GRID2: variants seen among roughly 807,000 people sequenced by gnomAD.
The protein encoded by GRID2 is glutamate ionotropic receptor delta type subunit 2.
Under a neutral mutation model 114.8 loss-of-function variants are expected in GRID2, and 33 were observed. The observed-to-expected ratio is 0.29, with a 90% CI of 0.22 to 0.38. The LOEUF is 0.38. Among genes scored for constraint, GRID2 ranks in the 10% least tolerant of loss-of-function variants. GRID2 has a pLI of 1.00. For synonymous variants in GRID2, 505 were observed against 449.9 expected, an observed-to-expected ratio of 1.12 and a Z score of -1.55; for missense variants, 1,184 against 1,257.7, an observed-to-expected ratio of 0.94 and a Z score of 0.89.
intron 1 of GRID2, among the ~76,000 whole-genome samples, chr4:92,396,436 G>T (rs1400043478): frequency 6.6e-6 from 1 of 151,852 alleles, no homozygotes; most frequent in Non-Finnish European, 1.5e-5. Flanking sequence ...TATATACATG[G>T]CCTAATGATC....
intron 4 of GRID2, chr4:93,165,912 C>G (rs1433039930): frequency 6.6e-6 from 1 of 152,020 alleles, no homozygotes; most frequent in East Asian, 1.9e-4. Context: ...AATACTCAAC[C>G]AATATTGCAT....
At chr4:92,959,644 G>T (rs1335161363) in intron 2 of GRID2, among the ~76,000 whole-genome samples, 1 of 151,992 alleles carries the variant, frequency 6.6e-6, no homozygotes, top group Non-Finnish European at 1.5e-5. Flanking sequence ...ATAAAATCTG[G>T]CATATATACA....
chr4:93,633,851 C>T (rs552215230), intron 14 of GRID2, among the ~76,000 whole-genome samples: 1 of 152,086 alleles, frequency 6.6e-6, no homozygotes, highest in African/African-American at 2.4e-5. Flanking sequence ...CTTTAATACC[C>T]CAATTGGAAT....
chr4:92,865,009 A>G (rs1744764058), intron 2 of GRID2, among the ~76,000 whole-genome samples: 2 of 152,190 alleles, frequency 1.3e-5, no homozygotes, highest in African/African-American at 2.4e-5. Context: ...ATTTTCAAAC[A>G]TTCTACTAAA....
intron 13 of GRID2, among the ~76,000 whole-genome samples, chr4:93,572,381 T>A (rs1334665140): frequency 1.3e-5 from 2 of 152,138 alleles, no homozygotes. Flanking sequence ...TGCTTTGAGT[T>A]CCATTATGAG....
At chr4:93,506,919 A>G (rs1728689460) in intron 12 of GRID2, among the ~76,000 whole-genome samples, 1 of 152,148 alleles carries the variant, frequency 6.6e-6, no homozygotes, top group Non-Finnish European at 1.5e-5. Flanking sequence ...GTGCTGGTAC[A>G]TTCCTTCATT....
intron 2 of GRID2, among the ~76,000 whole-genome samples, chr4:92,960,763 A>G (rs1752743868): frequency 6.6e-6 from 1 of 151,882 alleles, no homozygotes; most frequent in Non-Finnish European, 1.5e-5. Flanking sequence ...GTTAATATTT[A>G]TCTTATTTAT....
intron 2 of GRID2, among the ~76,000 whole-genome samples, chr4:92,900,569 G>A (rs1011556915): frequency 6.6e-6 from 1 of 152,164 alleles, no homozygotes; most frequent in Non-Finnish European, 1.5e-5. Flanking sequence ...GGCGGCTCAC[G>A]CCTGTAATCC....
chr4:93,743,910 G>C (rs1464918572), intron 14 of GRID2, among the ~76,000 whole-genome samples: 1 of 152,094 alleles, frequency 6.6e-6, no homozygotes, highest in African/African-American at 2.4e-5. Flanking sequence ...GAGCTTCAAA[G>C]GACAGCCTAT....
intron 1 of GRID2, among the ~76,000 whole-genome samples, chr4:92,553,930 G>A (rs781249556): frequency 5.9e-5 from 9 of 152,216 alleles, no homozygotes; most frequent in Non-Finnish European, 7.4e-5. Flanking sequence ...GATTACAGGC[G>A]TGAGCCACCG....
intron 2 of GRID2, among the ~76,000 whole-genome samples, chr4:92,734,216 A>C (rs529253351): frequency 8.5e-5 from 13 of 152,228 alleles, no homozygotes; most frequent in African/African-American, 2.9e-4. Context: ...TAAATTACTT[A>C]ACTTTCTTAA....
intron 14 of GRID2, among the ~76,000 whole-genome samples, chr4:93,635,855 G>C (rs1421014813): frequency 6.6e-6 from 1 of 152,078 alleles, no homozygotes; most frequent in Non-Finnish European, 1.5e-5. Context: ...AAATATTTAT[G>C]GGCTCCATAT....
chr4:92,883,790 A>G (rs62311168), intron 2 of GRID2, among the ~76,000 whole-genome samples: 5,444 of 152,234 alleles, frequency 0.036, 112 homozygotes, highest in Non-Finnish European at 0.041. Flanking sequence ...TATTCAGTAA[A>G]CCATGCTATA....
At chr4:93,307,787 A>G (rs183015466) in intron 8 of GRID2, among the ~76,000 whole-genome samples, 22 of 152,230 alleles carry the variant, frequency 1.4e-4, no homozygotes, top group African/African-American at 4.8e-4. Context: ...CTATACTCTT[A>G]TTTCCCTAAA....
chr4:92,473,901 T>C (rs968383017), intron 1 of GRID2, among the ~76,000 whole-genome samples: 1 of 151,970 alleles, frequency 6.6e-6, no homozygotes, highest in Admixed American at 6.6e-5. Context: ...TATTTATATA[T>C]TGTGAAATGA....
intron 8 of GRID2, among the ~76,000 whole-genome samples, chr4:93,275,191 T>C (rs1312354562): frequency 2.0e-5 from 3 of 151,970 alleles, no homozygotes; most frequent in Non-Finnish European, 4.4e-5. Flanking sequence ...ACTGGCTTCA[T>C]TCACTTACTA....
At chr4:93,447,651 C>CA (rs548795516) in intron 10 of GRID2, among the ~76,000 whole-genome samples, 199 of 151,892 alleles carry the variant, frequency 1.3e-3, no homozygotes, top group African/African-American at 4.5e-3. Context: ...TCCAATATGA[C>CA]AAAAAATGTT....
rs188331752 is a variant in GRID2 at position 93,477,097 on chromosome 4, A to T, written c.1859-13542A>T. ...GTGCTGATATCTTGTGAGGGCCTTC[A>T]TGCTGCATCATCCCATGGTGGAGGG... On this transcript the variant is annotated intron_variant, in intron 11 of 15. Transcript: ENST00000282020. Among the ~76,000 whole-genome samples, 849 of 152,148 alleles carry T rather than the reference A, an allele frequency of 5.6e-3. 4 individuals are homozygous for T. Among genetic ancestry groups the T allele is most frequent in the Non-Finnish European group, 8.6e-3 (588 of 67,994 alleles).
intron 7 of GRID2, 65 bp downstream of exon 7, chr4:93,224,840 G>C (rs955288704): frequency 8.7e-7 from 1 of 1,152,494 alleles, no homozygotes; most frequent in Admixed American, 2.2e-5. Flanking sequence ...TTTAGAAAAA[G>C]GGTTTCCTCT....
Sources: allele counts gnomAD v4.1 joint callset (sites outside exome capture counted in the v4.1 genomes callset), GRCh38; gene constraint gnomAD v4.1.1; transcripts MANE v1.5; gene names NCBI Gene and HGNC (gene_info 2026-07-23, HGNC 2026-07-21).